NOL4: variants seen among roughly 807,000 people sequenced by gnomAD.
NOL4 encodes the protein nucleolar protein 4.
A neutral mutation model predicts 75.9 loss-of-function variants in NOL4; 17 were observed. The ratio of observed to expected loss-of-function variants is 0.22; its 90% confidence interval spans 0.15 to 0.34. The LOEUF (loss-of-function observed/expected upper bound fraction) is 0.34, where lower values mean the gene tolerates loss of function less well. Ranked by LOEUF, NOL4 falls within the 10% of genes least tolerant of loss-of-function variation. NOL4 has a pLI of 1.00. For synonymous variants in NOL4, 292 were observed against 289.9 expected (o/e 1.01, Z -0.07); for missense variants, 614 against 793.5 (o/e 0.77, Z 2.72).
chr18:34,197,853 T>A (rs2035447675), intron 1 of NOL4, among the ~76,000 whole-genome samples: 1 of 151,962 alleles, frequency 6.6e-6, no homozygotes, highest in Non-Finnish European at 1.5e-5. Context: ...GGAAATGGGT[T>A]GATAAAAATG....
In NOL4 at chr18:34,164,992, C is replaced by CA. The variant is rs747770301; in HGVS notation, c.265-34973dup. Among the ~76,000 whole-genome samples, 1,117 of 148,358 alleles carry CA rather than the reference C, an allele frequency of 7.5e-3. 6 individuals are homozygous for CA. Among genetic ancestry groups the CA allele is most frequent in the Non-Finnish European group, 0.012 (800 of 67,422 alleles). ...CATTCTCAGTAAACTATCGCAAGGA[C>CA]AAAAAACCAAACACCGCATATTCTC... On this transcript the variant is annotated intron_variant, in intron 1 of 10. Coordinates refer to ENST00000261592, the MANE Select transcript of NOL4 (RefSeq NM_003787.5).
At position 34,223,338 on chromosome 18, in the gene NOL4, C is replaced by A. The variant is rs1363878577; in HGVS notation, c.-85G>T. 4 of 1,537,776 alleles carry A rather than the reference C, an allele frequency of 2.6e-6. No individual in the cohort carries two copies. Among genetic ancestry groups the A allele is most frequent in the Non-Finnish European group, 3.5e-6 (4 of 1,145,106 alleles). On this transcript the variant is annotated 5_prime_UTR_variant, in exon 1 of 11. Coordinates refer to ENST00000261592, the MANE Select transcript of NOL4 (RefSeq NM_003787.5). ...AGGCTCATGAAAAATGCAGCCCCGG[C>A]CACGTTGCAGGGATGCGAGGTCCCG...
At chr18:33,931,416 G>A (rs771373228) in intron 9 of NOL4, among the ~76,000 whole-genome samples, 2 of 152,052 alleles carry the variant, frequency 1.3e-5, no homozygotes, top group Non-Finnish European at 2.9e-5. Flanking sequence ...ACCAAGAATT[G>A]TATCTGTTCC....
intron 1 of NOL4, among the ~76,000 whole-genome samples, chr18:34,138,076 G>A (rs2080974347): frequency 6.6e-6 from 1 of 152,110 alleles, no homozygotes; most frequent in Non-Finnish European, 1.5e-5. Context: ...CATATTGTAT[G>A]ATTCAATTCA....
chr18:34,081,331 T>G (rs532855941), intron 5 of NOL4, among the ~76,000 whole-genome samples: 13 of 152,288 alleles, frequency 8.5e-5, no homozygotes, highest in African/African-American at 3.1e-4. Flanking sequence ...ACATATTTGA[T>G]AAGTCTACTT....
In NOL4 at chr18:34,122,728, T is replaced by A. The variant is rs1051846298; in HGVS notation, c.414+7143A>T. On this transcript the variant is annotated intron_variant, in intron 2 of 10. Transcript: ENST00000261592. ...TCATGCCAGTCTCCCATGTCTTACA[T>A]CTCCTTGCTATTATACTCATTGCAA... Among the ~76,000 whole-genome samples, 8 of 152,290 alleles carry A rather than the reference T, an allele frequency of 5.3e-5. 1 individual carries two copies. Among genetic ancestry groups the A allele is most frequent in the Admixed American group, 3.9e-4 (6 of 15,294 alleles).
At chr18:34,180,505 A>C (rs2033945106) in intron 1 of NOL4, among the ~76,000 whole-genome samples, 1 of 151,634 alleles carries the variant, frequency 6.6e-6, no homozygotes, top group African/African-American at 2.4e-5. Flanking sequence ...GGGGATCTAC[A>C]AAAAACCAAC....
At chr18:33,892,613 C>T (rs1195406983) in intron 9 of NOL4, among the ~76,000 whole-genome samples, 2 of 149,220 alleles carry the variant, frequency 1.3e-5, no homozygotes, top group Non-Finnish European at 3.0e-5. Context: ...TTTTATTCAC[C>T]ATGAAGTAAT....
At chr18:33,993,172 T>C (rs2073045166) in intron 6 of NOL4, among the ~76,000 whole-genome samples, 1 of 151,952 alleles carries the variant, frequency 6.6e-6, no homozygotes. Context: ...TGAGTTTTAT[T>C]GCCTTAGTCT....
At chr18:34,094,743 T>C (rs2078690848) in intron 4 of NOL4, among the ~76,000 whole-genome samples, 1 of 152,230 alleles carries the variant, frequency 6.6e-6, no homozygotes, top group South Asian at 2.1e-4. Flanking sequence ...GTAGTAGTGC[T>C]GCTATTTATG....
At chr18:34,014,561 C>T (rs1292364078) in intron 6 of NOL4, among the ~76,000 whole-genome samples, 1 of 151,954 alleles carries the variant, frequency 6.6e-6, no homozygotes, top group East Asian at 1.9e-4. Flanking sequence ...TAATTTAAAA[C>T]ATCTATACCT....
rs867147949 is a variant in NOL4, at chr18:34,166,478, T to G, written c.265-36458A>C. ...TTACAGAAAGTAGATAATGTGAAAA[T>G]TTGTCTATCTCCATTTTCCCAAAGT... On this transcript the variant is annotated intron_variant, in intron 1 of 10. Coordinates refer to ENST00000261592, the MANE Select transcript of NOL4 (RefSeq NM_003787.5). 1.2e-4 allele frequency among the ~76,000 whole-genome samples: 19 copies of G among 152,188 alleles called. 1 individual carries two copies. The Middle Eastern group carries it at 0.01, about 82-fold the overall frequency.
chr18:33,932,360 A>G (rs1412604295), intron 9 of NOL4, among the ~76,000 whole-genome samples: 1 of 152,080 alleles, frequency 6.6e-6, no homozygotes, highest in Non-Finnish European at 1.5e-5. Flanking sequence ...TGCGTCAAAG[A>G]TTTCTTAAAG....
At chr18:33,930,573 A>G (rs896901932) in intron 9 of NOL4, among the ~76,000 whole-genome samples, 1 of 152,156 alleles carries the variant, frequency 6.6e-6, no homozygotes, top group Non-Finnish European at 1.5e-5. Context: ...TAGATGGTTG[A>G]GTGTAAATCC....
At chr18:33,867,311 C>T (rs1325216584) in intron 10 of NOL4, among the ~76,000 whole-genome samples, 1 of 151,998 alleles carries the variant, frequency 6.6e-6, no homozygotes. Context: ...AGTTCAAACT[C>T]ATTAGTAAAT....
At chr18:34,110,078 G>C (rs2079511879) in intron 2 of NOL4, among the ~76,000 whole-genome samples, 1 of 108,392 alleles carries the variant, frequency 9.2e-6, no homozygotes, top group East Asian at 3.2e-4. Context: ...AACATTCCAA[G>C]AAGAATTAAC....
chr18:34,073,628 T>C (rs2077615425), intron 5 of NOL4, among the ~76,000 whole-genome samples: 1 of 151,848 alleles, frequency 6.6e-6, no homozygotes, highest in South Asian at 2.1e-4. Context: ...CCATCTGCAG[T>C]TGGTTGAATC....
intron 1 of NOL4, among the ~76,000 whole-genome samples, chr18:34,177,139 C>T (rs2033624496): frequency 6.6e-6 from 1 of 151,876 alleles, no homozygotes. Flanking sequence ...ATGCATGTAA[C>T]ATGGATGAGT....
chr18:34,000,664 A>G (rs1218700008), intron 6 of NOL4, among the ~76,000 whole-genome samples: 1 of 152,122 alleles, frequency 6.6e-6, no homozygotes, highest in Non-Finnish European at 1.5e-5. Context: ...ATTCTCCCAA[A>G]TTAAATCAAA....
Sources: allele counts gnomAD v4.1 joint callset (sites outside exome capture counted in the v4.1 genomes callset), GRCh38; gene constraint gnomAD v4.1.1; transcripts MANE v1.5; gene names NCBI Gene and HGNC (gene_info 2026-07-23, HGNC 2026-07-21).